The following SNX8 variants were observed in gnomAD, a reference collection of about 807,000 sequenced individuals.
SNX8 encodes sorting nexin 8, also known as sorting nexin-8.
Under a neutral mutation model 51.6 loss-of-function variants are expected in SNX8, and 25 were observed. The observed-to-expected ratio is 0.48, with a 90% CI of 0.35 to 0.68. SNX8 has a LOEUF of 0.68. SNX8 is among the 30% of genes least tolerant of loss of function. The pLI, the probability that SNX8 is intolerant of heterozygous loss-of-function variation, is 0.00. For missense variants in SNX8, 695 were observed against 624.0 expected (o/e 1.11, Z -1.21); for synonymous variants, 324 against 277.0 (o/e 1.17, Z -1.68).
rs564537904 is a variant in SNX8, at chr7:2,308,705, G to A, written c.94+5623C>T. Among the ~76,000 whole-genome samples the A allele has an allele frequency of 4.5e-3, 668 of 147,570 alleles. 4 individuals carry two copies. The highest frequency in any genetic ancestry group is 6.5e-3 in the Non-Finnish European group (436 of 67,162). On this transcript the variant is annotated intron_variant, in intron 1 of 10. Coordinates refer to ENST00000222990, the MANE Select transcript of SNX8 (RefSeq NM_013321.4). ...AAAAAAAAGGGTCATGGAAGGGAGCGAAATGGGGCAGAAGGTTTTGTCCCT... is the reference window on the plus strand; with the variant it reads ...AAAAAAAAGGGTCATGGAAGGGAGCAAAATGGGGCAGAAGGTTTTGTCCCT...
intron 1 of SNX8, among the ~76,000 whole-genome samples, chr7:2,305,724 T>C (rs759146389): frequency 6.6e-6 from 1 of 151,982 alleles, no homozygotes; most frequent in Non-Finnish European, 1.5e-5. Flanking sequence ...ACTATAAAAC[T>C]TCTATGAACA....
chr7:2,323,782 C>T (rs1778580063), intron 1 of SNX8, among the ~76,000 whole-genome samples: 1 of 152,132 alleles, frequency 6.6e-6, no homozygotes, highest in African/African-American at 2.4e-5. Context: ...GTATTGAATG[C>T]GTACTAGGAA....
intron 5 of SNX8, among the ~76,000 whole-genome samples, chr7:2,268,131 C>T (rs1226319085): frequency 6.9e-6 from 1 of 144,614 alleles, no homozygotes; most frequent in East Asian, 2.1e-4. Context: ...GTCAGCCCCC[C>T]GCCTGGCCAG....
chr7:2,302,391 A>C lies in SNX8; in HGVS notation c.94+11937T>G, dbSNP rs1037354447. Among the ~76,000 whole-genome samples the C allele has an allele frequency of 3.9e-3, 601 of 152,320 alleles. 1 individual carries two copies. The highest frequency in any genetic ancestry group is 0.013 in the African/African-American group (546 of 41,558). On this transcript the variant is annotated intron_variant, in intron 1 of 10. Coordinates refer to ENST00000222990, the MANE Select transcript of SNX8 (RefSeq NM_013321.4). Reference sequence around the variant, plus strand: ...GGTGCCGGGATTGCAGACGGAGTCTAGTTCACTCAGTGCTCAATGGTGCCC... The same window carrying C: ...GGTGCCGGGATTGCAGACGGAGTCTCGTTCACTCAGTGCTCAATGGTGCCC...
intron 9 of SNX8, 114 bp downstream of exon 9, chr7:2,257,250 TC>T (rs1795209519): frequency 7.6e-7 from 1 of 1,315,538 alleles, no homozygotes; most frequent in South Asian, 1.4e-5. Context: ...CACCCCCAGC[TC>T]TGTTCCAGAC....
chr7:2,340,880 A>C (rs894249193), intron 1 of SNX8, among the ~76,000 whole-genome samples: 8 of 149,804 alleles, frequency 5.3e-5, no homozygotes, highest in Admixed American at 2.7e-4. Context: ...AAAAAAAAAA[A>C]AAAACTCTAA....
chr7:2,277,545 A>C (rs1189986457), intron 2 of SNX8, among the ~76,000 whole-genome samples: 1 of 152,176 alleles, frequency 6.6e-6, no homozygotes, highest in Non-Finnish European at 1.5e-5. Flanking sequence ...TCACGCCAGT[A>C]ATCCCAGCAC....
chr7:2,256,904 G>A lies in SNX8; in HGVS notation c.1254C>T (p.Phe418=), dbSNP rs763487334. 1.2e-6 allele frequency: 2 copies of A among 1,613,390 alleles called. No homozygotes were observed. The highest frequency in any genetic ancestry group is 1.1e-5 in the South Asian group (1 of 91,040). The part of the protein sequence containing the change: ...LPLTSHILRA[F]VNSQIQGHKE... Reference sequence around the variant, plus strand: ...TGTGCCCTTGGATCTGAGAGTTGACGAAGGCGCGGAGGATGTGGGAGGTGA... The same window carrying A: ...TGTGCCCTTGGATCTGAGAGTTGACAAAGGCGCGGAGGATGTGGGAGGTGA... Residue 418 remains phenylalanine (F), a synonymous_variant, in exon 10 of 11, where the codon TTC becomes TTT. Coordinates refer to ENST00000222990, the MANE Select transcript of SNX8 (RefSeq NM_013321.4).
intron 1 of SNX8, among the ~76,000 whole-genome samples, chr7:2,291,203 G>C (rs1796142940): frequency 6.6e-6 from 1 of 152,164 alleles, no homozygotes; most frequent in Admixed American, 6.6e-5. Flanking sequence ...CCAAAGCTGA[G>C]GCAGGAGGGT....
chr7:2,285,720 G>A (rs1300939187), intron 1 of SNX8, among the ~76,000 whole-genome samples: 1 of 152,130 alleles, frequency 6.6e-6, no homozygotes, highest in Non-Finnish European at 1.5e-5. Context: ...AGGCTGGAAT[G>A]CAGTGGCACG....
chr7:2,303,745 C>G (rs1390409375), intron 1 of SNX8, among the ~76,000 whole-genome samples: 11 of 151,650 alleles, frequency 7.3e-5, no homozygotes, highest in African/African-American at 2.7e-4. Context: ...TTAAACAGAT[C>G]CTGAAGGCAG....
chr7:2,284,938 GGA>G (rs1293053069), intron 1 of SNX8, among the ~76,000 whole-genome samples: 20 of 152,012 alleles, frequency 1.3e-4, no homozygotes, highest in African/African-American at 4.6e-4. Flanking sequence ...TTGGCTGGGC[GGA>G]GTGCCTCACG....
intron 1 of SNX8, among the ~76,000 whole-genome samples, chr7:2,297,586 C>T (rs552301115): frequency 1.4e-5 from 2 of 144,484 alleles, no homozygotes. Context: ...AATACCTGCA[C>T]ATGCCCATTT....
At position 2,263,285 on chromosome 7, in the gene SNX8, G is replaced by A. The variant is rs142572463; in HGVS notation, c.860C>T (p.Ala287Val). ...NSSTWGSLKQALKGLSVEFAL... is the reference protein window; with the variant it reads ...NSSTWGSLKQVLKGLSVEFAL... ...GAATTCCACAGACAGGCCTTTCAGA[G>A]CCTGCTTCAGGGACCCCCACGTGCT... is the stretch of plus-strand genomic sequence containing the variant. The change falls in exon 7 of 11, where the codon GCT becomes GTT. Residue 287 changes from alanine (A) to valine (V), a missense_variant. Physicochemically the swap from Ala to Val is moderately conservative, Grantham distance 64. Transcript: ENST00000222990. 4 of 1,613,832 alleles carry A rather than the reference G, an allele frequency of 2.5e-6. No homozygotes were observed. Among genetic ancestry groups the A allele is most frequent in the Non-Finnish European group, 2.5e-6 (3 of 1,180,022 alleles).
rs978912697 is a variant in SNX8 at position 2,254,699 on chromosome 7, C to G, written c.*357G>C. On this transcript the variant is annotated 3_prime_UTR_variant, in exon 11 of 11. Transcript: ENST00000222990. ...CCGAGCACCATGATGCTGCCCCTCCCGACTGTTCCAGCACCTGGAGGCCCT... is the reference window on the plus strand; with the variant it reads ...CCGAGCACCATGATGCTGCCCCTCCGGACTGTTCCAGCACCTGGAGGCCCT... 3.1e-6 allele frequency: 1 copy of G among 322,248 alleles called. No homozygotes were observed. The highest frequency in any genetic ancestry group is 5.9e-6 in the Non-Finnish European group (1 of 170,384). 20.0% of individuals were successfully genotyped at this position (322,248 alleles called of 1,614,324 possible).
chr7:2,258,348 GT>G (rs1232728827), intron 7 of SNX8, among the ~76,000 whole-genome samples: 2 of 152,126 alleles, frequency 1.3e-5, no homozygotes, highest in African/African-American at 4.8e-5. Flanking sequence ...CAAGGCCTGC[GT>G]TCCCGCGGGA....
At chr7:2,352,834 T>G (rs1209557242) in intron 1 of SNX8, among the ~76,000 whole-genome samples, 1 of 149,958 alleles carries the variant, frequency 6.7e-6, no homozygotes. Context: ...ACACTCCGTC[T>G]AAATAAAAAA....
intron 2 of SNX8, among the ~76,000 whole-genome samples, chr7:2,275,720 C>T (rs1438214117): frequency 1.3e-5 from 2 of 151,084 alleles, no homozygotes; most frequent in Middle Eastern, 3.5e-3. Context: ...TAAAAAAGGC[C>T]GGGCGCGGTG....
At chr7:2,325,204 A>T (rs1778601090) in intron 1 of SNX8, among the ~76,000 whole-genome samples, 1 of 152,074 alleles carries the variant, frequency 6.6e-6, no homozygotes, top group Admixed American at 6.6e-5. Flanking sequence ...ACAGTGGTGC[A>T]ATCAGAGCTC....
Sources: allele counts gnomAD v4.1 joint callset (sites outside exome capture counted in the v4.1 genomes callset), GRCh38; gene constraint gnomAD v4.1.1; transcripts MANE v1.5; gene names NCBI Gene and HGNC (gene_info 2026-07-23, HGNC 2026-07-21).